The following TRAPPC9 variants were observed in gnomAD, a reference collection of about 807,000 sequenced individuals.
The protein encoded by TRAPPC9 is IKK2 binding protein.
A neutral mutation model predicts 124.0 loss-of-function variants in TRAPPC9; 83 were observed. The observed-to-expected ratio is 0.67, with a 90% CI of 0.56 to 0.80. The LOEUF (loss-of-function observed/expected upper bound fraction) is 0.80, where lower values mean the gene tolerates loss of function less well. Among genes scored for constraint, TRAPPC9 ranks in the 30% least tolerant of loss-of-function variants. TRAPPC9 has a pLI of 0.00. For missense variants in TRAPPC9, 1,302 were observed against 1,508.3 expected, an observed-to-expected ratio of 0.86 and a Z score of 2.27; for synonymous variants, 638 against 617.5, an observed-to-expected ratio of 1.03 and a Z score of -0.49.
At position 139,907,799 on chromosome 8, in the gene TRAPPC9, G is replaced by T. The variant is rs536844380; in HGVS notation, c.2964+2348C>A. Among the ~76,000 whole-genome samples the T allele has an allele frequency of 3.9e-5, 6 of 152,314 alleles. No homozygotes were observed. The highest frequency in any genetic ancestry group is 1.4e-4 in the African/African-American group (6 of 41,570). ...CATTTTCTGTACTTTTTTGATACTG[G>T]TTTTCAAAGAACGCAAGAGTTCTGT... On this transcript the variant is annotated intron_variant, in intron 20 of 22. Coordinates refer to ENST00000438773, the MANE Select transcript of TRAPPC9 (RefSeq NM_001160372.4). This position sits in a 1 kb window ranked among gnomAD's most constrained non-coding sequence, Gnocchi z 4.7.
Position 139,988,195 on chromosome 8 carries a change from C to A in TRAPPC9, c.2810+531G>T, listed in dbSNP as rs184392567. Among the ~76,000 whole-genome samples, 4 of 151,202 alleles carry A rather than the reference C, an allele frequency of 2.6e-5. No homozygotes were observed. In the East Asian group the frequency reaches 7.8e-4, roughly 30 times the overall value. On this transcript the variant is annotated intron_variant, in intron 19 of 22. Transcript: ENST00000438773. Reference sequence around the variant, plus strand: ...ACGATCGATCTCGGCTCACTGCACCCTCTGCTTCCCGGGTTCAAGCGATTC... The same window carrying A: ...ACGATCGATCTCGGCTCACTGCACCATCTGCTTCCCGGGTTCAAGCGATTC...
At chr8:140,276,877 C>A (rs1272338655) in intron 14 of TRAPPC9, among the ~76,000 whole-genome samples, 5 of 152,050 alleles carry the variant, frequency 3.3e-5, no homozygotes, top group African/African-American at 4.8e-5. Context: ...TCTTCCTGTC[C>A]CTGAAGGATT....
chr8:140,112,110 A>G (rs2060786857), intron 17 of TRAPPC9, among the ~76,000 whole-genome samples: 1 of 152,270 alleles, frequency 6.6e-6, no homozygotes, highest in African/African-American at 2.4e-5. Flanking sequence ...GTCAACGGGA[A>G]GCTTTGGCTC....
intron 21 of TRAPPC9, among the ~76,000 whole-genome samples, chr8:139,754,593 TAAC>T (rs911365490): frequency 1.3e-5 from 2 of 152,080 alleles, no homozygotes; most frequent in Non-Finnish European, 2.9e-5. Context: ...AAACTCGGGG[TAAC>T]AACAAGAAGC....
chr8:140,163,040 T>A (rs1195094364), intron 17 of TRAPPC9, among the ~76,000 whole-genome samples: 1 of 152,230 alleles, frequency 6.6e-6, no homozygotes, highest in African/African-American at 2.4e-5. Context: ...ATTTGTATTC[T>A]ACCACAATTT....
intron 9 of TRAPPC9, among the ~76,000 whole-genome samples, chr8:140,355,642 G>C (rs545544953): frequency 5.9e-5 from 9 of 152,330 alleles, no homozygotes; most frequent in African/African-American, 1.7e-4. Flanking sequence ...CACAGCACTG[G>C]GGGGGAATTA....
At chr8:140,428,691 G>GAATACCAC (rs1320236287) in intron 4 of TRAPPC9, among the ~76,000 whole-genome samples, 1 of 152,176 alleles carries the variant, frequency 6.6e-6, no homozygotes, top group Non-Finnish European at 1.5e-5. Context: ...ATGGGGAACT[G>GAATACCAC]AATACCACTC....
chr8:139,797,798 G>A (rs928018993), intron 21 of TRAPPC9, among the ~76,000 whole-genome samples: 3 of 152,110 alleles, frequency 2.0e-5, no homozygotes, highest in Admixed American at 6.5e-5. Flanking sequence ...GTTGAAAATC[G>A]CTTGGCCGTA....
Position 140,451,305 on chromosome 8 carries a change from C to T in TRAPPC9, c.69G>A (p.Val23=). The T allele has an allele frequency of 6.2e-7, 1 of 1,608,832 alleles. No homozygotes were observed. The highest frequency in any genetic ancestry group is 8.5e-7 in the Non-Finnish European group (1 of 1,180,018). Residue 23 remains valine (V), a synonymous_variant, in exon 2 of 23, where the codon GTG becomes GTA. Coordinates refer to ENST00000438773, the MANE Select transcript of TRAPPC9 (RefSeq NM_001160372.4). ...AGAAGTTCTCCTCGGAGACGATGCC[C>T]ACAGGCTGGACCACCACGAGCAGCG... ...HQTLLVVVQP[V]GIVSEENFFR...
intron 18 of TRAPPC9, among the ~76,000 whole-genome samples, chr8:140,013,077 C>T (rs991904179): frequency 4.6e-5 from 7 of 152,176 alleles, no homozygotes; most frequent in Admixed American, 6.5e-5. Context: ...GCAGGAAGAA[C>T]GCTAACAGCC....
At position 139,826,666 on chromosome 8, in the gene TRAPPC9, C is replaced by T. The variant is rs149219432; in HGVS notation, c.3055+59213G>A. On this transcript the variant is annotated intron_variant, in intron 21 of 22. Transcript: ENST00000438773. ...GGAGTGTGAGGCTGTCAGCCTGGCC[C>T]GGGGCTCTGGCTCGTGTGAAAGGCT... 2.7e-3 allele frequency among the ~76,000 whole-genome samples: 413 copies of T among 152,252 alleles called. 4 individuals carry two copies. Among genetic ancestry groups the T allele is most frequent in the African/African-American group, 8.5e-3 (352 of 41,554 alleles).
At chr8:139,732,839 G>A (rs199223) in intron 21 of TRAPPC9, among the ~76,000 whole-genome samples, 19,643 of 152,106 alleles carry the variant, frequency 0.13, 1,380 homozygotes, top group South Asian at 0.23. Context: ...TCTGGGACCC[G>A]TGGACCCTGC....
chr8:140,209,794 G>A (rs2063012359), intron 17 of TRAPPC9, among the ~76,000 whole-genome samples: 1 of 152,188 alleles, frequency 6.6e-6, no homozygotes, highest in Admixed American at 6.5e-5. Flanking sequence ...ATACTCCACT[G>A]CTCTATAAAT....
intron 19 of TRAPPC9, among the ~76,000 whole-genome samples, chr8:139,919,413 G>T (rs1166677153): frequency 2.0e-5 from 3 of 152,166 alleles, no homozygotes; most frequent in African/African-American, 7.2e-5. Flanking sequence ...TTTTAAAGTG[G>T]ACGACGGTGA....
intron 10 of TRAPPC9, among the ~76,000 whole-genome samples, chr8:140,306,681 A>G (rs2066146743): frequency 6.6e-6 from 1 of 152,164 alleles, no homozygotes; most frequent in African/African-American, 2.4e-5. Flanking sequence ...GAGCCTATTT[A>G]TTAGTAAGAA....
intron 21 of TRAPPC9, among the ~76,000 whole-genome samples, chr8:139,836,830 G>A (rs967215311): frequency 1.3e-5 from 2 of 152,090 alleles, no homozygotes; most frequent in South Asian, 4.2e-4. Flanking sequence ...ATAAACCCTC[G>A]ATGTTTGCCA....
chr8:140,330,323 A>G (rs1034237729), intron 9 of TRAPPC9, among the ~76,000 whole-genome samples: 3 of 152,218 alleles, frequency 2.0e-5, no homozygotes, highest in Non-Finnish European at 2.9e-5. Flanking sequence ...TGCCACCACT[A>G]TAAATATTAA....
chr8:140,323,055 G>C (rs1441837617), intron 9 of TRAPPC9, among the ~76,000 whole-genome samples: 1 of 152,204 alleles, frequency 6.6e-6, no homozygotes, highest in East Asian at 1.9e-4. Context: ...GGCATGATTA[G>C]AGCCCCACCA....
intron 8 of TRAPPC9, 114 bp downstream of exon 8, chr8:140,370,850 T>G: frequency 8.4e-7 from 1 of 1,186,508 alleles, no homozygotes; most frequent in Non-Finnish European, 1.2e-6. Flanking sequence ...GATCTAGTCA[T>G]TCTGGAGCCA....
Sources: allele counts gnomAD v4.1 joint callset (sites outside exome capture counted in the v4.1 genomes callset), GRCh38; gene constraint gnomAD v4.1.1; non-coding constraint Gnocchi (gnomAD v3.1); transcripts MANE v1.5; gene names NCBI Gene and HGNC (gene_info 2026-07-23, HGNC 2026-07-21).